The following SH3GL2 variants were observed in gnomAD, a reference collection of about 807,000 sequenced individuals.
SH3GL2 encodes endophilin-A1.
In SH3GL2, 24 loss-of-function variants were observed where a neutral mutation model predicts 46.0. The observed-to-expected ratio is 0.52, with a 90% confidence interval of 0.38 to 0.73. The LOEUF (loss-of-function observed/expected upper bound fraction) is 0.73, where lower values mean the gene tolerates loss of function less well. Among genes scored for constraint, SH3GL2 ranks in the 30% least tolerant of loss-of-function variants. SH3GL2 has a pLI of 0.00. For missense variants in SH3GL2, 413 were observed against 424.2 expected (o/e 0.97, Z 0.23); for synonymous variants, 196 against 147.1 (o/e 1.33, Z -2.40).
At chr9:17,644,396 T>C (rs1187885234) in intron 1 of SH3GL2, among the ~76,000 whole-genome samples, 1 of 152,212 alleles carries the variant, frequency 6.6e-6, no homozygotes, top group Non-Finnish European at 1.5e-5. Flanking sequence ...CTCTTGCTTC[T>C]GTAGTTCTTC....
intron 1 of SH3GL2, among the ~76,000 whole-genome samples, chr9:17,663,973 G>A (rs896030846): frequency 6.6e-6 from 1 of 152,012 alleles, no homozygotes; most frequent in African/African-American, 2.4e-5. Context: ...CACCAACAGT[G>A]GCAGTTTTAG....
At chr9:17,777,592 T>G (rs934788867) in intron 3 of SH3GL2, among the ~76,000 whole-genome samples, 2 of 152,080 alleles carry the variant, frequency 1.3e-5, no homozygotes, top group Non-Finnish European at 2.9e-5. Context: ...TCAAGTTGCT[T>G]GACCATGTTT....
chr9:17,660,188 C>T (rs944154365), intron 1 of SH3GL2, among the ~76,000 whole-genome samples: 1 of 151,912 alleles, frequency 6.6e-6, no homozygotes, highest in Non-Finnish European at 1.5e-5. Context: ...CTTTCTTTGG[C>T]CAGGGCTGTG....
At chr9:17,771,827 G>C (rs1236748473) in intron 3 of SH3GL2, among the ~76,000 whole-genome samples, 1 of 152,114 alleles carries the variant, frequency 6.6e-6, no homozygotes, top group Non-Finnish European at 1.5e-5. Context: ...GGAGAGAGGT[G>C]TTATATAAAT....
intron 2 of SH3GL2, among the ~76,000 whole-genome samples, chr9:17,755,143 G>A (rs2131142283): frequency 6.6e-6 from 1 of 152,234 alleles, no homozygotes; most frequent in Non-Finnish European, 1.5e-5. Context: ...GGCACTTATT[G>A]TTTTGAGGTG....
At chr9:17,588,485 T>C (rs1424027703) in intron 1 of SH3GL2, among the ~76,000 whole-genome samples, 3 of 152,112 alleles carry the variant, frequency 2.0e-5, no homozygotes, top group Non-Finnish European at 2.9e-5. Flanking sequence ...ATCAGAGAGA[T>C]TGGAAGTATG....
At chr9:17,631,712 C>A (rs1274935863) in intron 1 of SH3GL2, among the ~76,000 whole-genome samples, 1 of 152,248 alleles carries the variant, frequency 6.6e-6, no homozygotes, top group East Asian at 1.9e-4. Flanking sequence ...TTATTCTCCC[C>A]ACATCCCATC....
chr9:17,606,324 C>T (rs558264264), intron 1 of SH3GL2, among the ~76,000 whole-genome samples: 1 of 152,248 alleles, frequency 6.6e-6, no homozygotes, highest in East Asian at 1.9e-4. Flanking sequence ...AACTCCTGAC[C>T]TCATGATCCG....
chr9:17,600,450 CTCCGATTCTGATGTTTTCTCAG>C (rs1346279759), intron 1 of SH3GL2, among the ~76,000 whole-genome samples: 1 of 152,184 alleles, frequency 6.6e-6, no homozygotes, highest in Non-Finnish European at 1.5e-5. Flanking sequence ...GCACAGCTGG[CTCCGATTCTGATGTTTTCTCAG>C]TTAGATCTTC....
At chr9:17,751,069 T>C (rs1308470622) in intron 2 of SH3GL2, among the ~76,000 whole-genome samples, 2 of 152,200 alleles carry the variant, frequency 1.3e-5, no homozygotes, top group Non-Finnish European at 2.9e-5. Flanking sequence ...ATATAGTATC[T>C]GTTTTGCAGC....
chr9:17,628,016 G>C (rs1033268252), intron 1 of SH3GL2, among the ~76,000 whole-genome samples: 6 of 152,142 alleles, frequency 3.9e-5, no homozygotes, highest in African/African-American at 1.4e-4. Flanking sequence ...AGATTTAAGA[G>C]CTCTAAGTTC....
chr9:17,631,090 A>T (rs1563789915), intron 1 of SH3GL2, among the ~76,000 whole-genome samples: 1 of 152,088 alleles, frequency 6.6e-6, no homozygotes, highest in Non-Finnish European at 1.5e-5. Flanking sequence ...CTGTAGTTTT[A>T]ATTTGAGTTA....
intron 3 of SH3GL2, among the ~76,000 whole-genome samples, chr9:17,777,314 C>A (rs993014520): frequency 1.7e-4 from 26 of 151,882 alleles, no homozygotes; most frequent in African/African-American, 5.8e-4. Flanking sequence ...CTTCAGAAAT[C>A]CATGTGAAAT....
intron 3 of SH3GL2, among the ~76,000 whole-genome samples, chr9:17,764,053 A>G (rs556580927): frequency 2.6e-5 from 4 of 152,316 alleles, no homozygotes; most frequent in African/African-American, 9.6e-5. Context: ...ACAATATTGC[A>G]TGTGCTAATT....
At chr9:17,744,738 G>A (rs1822630594) in intron 1 of SH3GL2, among the ~76,000 whole-genome samples, 1 of 152,164 alleles carries the variant, frequency 6.6e-6, no homozygotes, top group Non-Finnish European at 1.5e-5. Context: ...TAAGAATGCA[G>A]GATGCAGGCC....
intron 1 of SH3GL2, among the ~76,000 whole-genome samples, chr9:17,617,624 A>G: frequency 6.6e-6 from 1 of 152,306 alleles, no homozygotes; most frequent in East Asian, 1.9e-4. Flanking sequence ...CTTTCGAGAC[A>G]GTTTCTGGGA....
intron 1 of SH3GL2, among the ~76,000 whole-genome samples, chr9:17,604,977 ATTTTTTT>A (rs138726944): frequency 7.3e-6 from 1 of 137,498 alleles, no homozygotes; most frequent in East Asian, 2.1e-4. Flanking sequence ...TTCACAAGTC[ATTTTTTT>A]TTTTTTTTTT....
At chr9:17,759,254 A>G (rs1588308599) in intron 2 of SH3GL2, among the ~76,000 whole-genome samples, 1 of 152,178 alleles carries the variant, frequency 6.6e-6, no homozygotes, top group South Asian at 2.1e-4. Context: ...AGAGAGGCCC[A>G]GGATGGAATA....
intron 6 of SH3GL2, 184 bp downstream of exon 6, chr9:17,789,734 T>C (rs747666097): frequency 1.5e-6 from 2 of 1,361,256 alleles, no homozygotes; most frequent in Non-Finnish European, 1.9e-6. Flanking sequence ...AAAAGTTTCT[T>C]CTGCATTCCT....
Sources: gnomAD v4.1 joint callset for allele counts (sites outside exome capture counted in the v4.1 genomes callset) on GRCh38, gnomAD v4.1.1 for gene constraint, MANE v1.5 for transcripts, NCBI Gene and HGNC (gene_info 2026-07-23, HGNC 2026-07-21) for gene names.